The following RBM14 variants were observed in gnomAD, a reference collection of about 807,000 sequenced individuals.
The protein encoded by RBM14 is RNA-binding protein 14.
A neutral mutation model predicts 52.8 loss-of-function variants in RBM14; 5 were observed. The observed-to-expected ratio is 0.09, with a 90% confidence interval of 0.05 to 0.20. The LOEUF (loss-of-function observed/expected upper bound fraction) is 0.20. Among genes scored for constraint, RBM14 ranks in the 10% least tolerant of loss-of-function variants. RBM14 has a pLI of 1.00. For missense variants in RBM14, 780 were observed against 926.6 expected, an observed-to-expected ratio of 0.84 and a Z score of 2.05; for synonymous variants, 411 against 401.8, an observed-to-expected ratio of 1.02 and a Z score of -0.28.
chr11:66,617,278 G>A (rs1427126541), intron 1 of RBM14: 13 of 1,356,232 alleles, frequency 9.6e-6, no homozygotes, highest in Non-Finnish European at 1.2e-5. Context: ...GGTGGGTGCG[G>A]CGGCCACTGC....
chr11:66,624,046 C>A lies in RBM14; in HGVS notation c.338-168C>A. 1 of 1,168,828 alleles carries A rather than the reference C, an allele frequency of 8.6e-7. No individual in the cohort carries two copies. Among genetic ancestry groups the A allele is most frequent in the Non-Finnish European group, 1.3e-6 (1 of 798,918 alleles). 72.4% of individuals were successfully genotyped at this position (1,168,828 alleles called of 1,614,324 possible). ...GATGACTGCTTGGGACAGTCAGAAGCTTTGTTATATGGGAGCTACATTTTA... is the reference window on the plus strand; with the variant it reads ...GATGACTGCTTGGGACAGTCAGAAGATTTGTTATATGGGAGCTACATTTTA... On this transcript the variant is annotated intron_variant, in intron 1 of 2. Transcript: ENST00000310137. This position sits in a 1 kb window ranked among gnomAD's most constrained non-coding sequence, Gnocchi z 4.7.
chr11:66,624,403 C>A lies in RBM14; in HGVS notation c.527C>A (p.Pro176His). Residue 176 changes from proline (P) to histidine (H), a missense_variant, in exon 2 of 3, where the codon CCT (proline) becomes CAT (histidine). Pro to His is a moderately conservative substitution (Grantham distance 77, BLOSUM62 -2). Transcript: ENST00000310137. The surrounding 1 kb of genome is among the most constrained non-coding windows in gnomAD (Gnocchi z 4.7). ...CCAGGGGCTGGGGATACGGCCTTCC[C>A]TGGAACTGGTGGCTTCTCTGCCACC... is the stretch of plus-strand genomic sequence containing the variant. ...KKPGAGDTAF[P>H]GTGGFSATFD... 6.2e-7 allele frequency: 1 copy of A among 1,614,184 alleles called. No individual in the cohort carries two copies. Among genetic ancestry groups the A allele is most frequent in the South Asian group, 1.1e-5 (1 of 91,086 alleles).
In RBM14 at chr11:66,625,182, C is replaced by G; in HGVS notation, c.1306C>G (p.Pro436Ala). The change falls in exon 2 of 3, where the codon CCA becomes GCA. Residue 436 changes from proline (P) to alanine (A), a missense_variant. Physicochemically the swap from Pro to Ala is conservative, Grantham distance 27 (BLOSUM62 -1). Transcript: ENST00000310137. The surrounding 1 kb of genome is among the most constrained non-coding windows in gnomAD (Gnocchi z 4.2). Reference protein sequence around the residue: ...SSQPAAYVAQPATAAAYASQP... With the variant: ...SSQPAAYVAQAATAAAYASQP... Reference sequence around the variant, plus strand: ...CCAACCTGCTGCCTATGTGGCACAGCCAGCCACAGCTGCTGCCTATGCCAG... The same window carrying G: ...CCAACCTGCTGCCTATGTGGCACAGGCAGCCACAGCTGCTGCCTATGCCAG... The G allele has an allele frequency of 6.2e-7, 1 of 1,612,370 alleles. No homozygotes were observed. Among genetic ancestry groups the G allele is most frequent in the African/African-American group, 1.3e-5 (1 of 75,016 alleles).
chr11:66,618,023 G>C (rs543082688), intron 1 of RBM14, among the ~76,000 whole-genome samples: 152 of 152,276 alleles, frequency 1.0e-3, no homozygotes, highest in Middle Eastern at 3.4e-3. Flanking sequence ...GGCAGATCCC[G>C]GTGCCTTTTC....
In RBM14 at chr11:66,629,089, C is replaced by T. The variant is rs899795369; in HGVS notation, c.*2421C>T. On this transcript the variant is annotated 3_prime_UTR_variant, in exon 3 of 3. Transcript: ENST00000310137. The stretch of plus-strand genomic sequence containing the variant: ...TCTGGCAGATTGTTTTAAAATCTCC[C>T]TCCCCTCTTTTATTTTAATTATGCC... Among the ~76,000 whole-genome samples, 2 of 152,212 alleles carry T rather than the reference C, an allele frequency of 1.3e-5. No homozygotes were observed. Among genetic ancestry groups the T allele is most frequent in the South Asian group, 2.1e-4 (1 of 4,834 alleles).
In RBM14 at chr11:66,617,668, C is replaced by T. The variant is rs146855364; in HGVS notation, c.337+611C>T. The T allele has an allele frequency of 1.4e-4, 94 of 659,516 alleles. 2 individuals are homozygous for T. In the East Asian group the frequency reaches 7.5e-3, roughly 52 times the overall value. The allele number at this position is 659,516 out of a possible 1,614,324, so 40.9% of individuals were successfully genotyped here. ...AGGGGCCCCTTCCGAATCACTTTGG[C>T]CTTTCAATATTAGGTAGGTTAGGCG... On this transcript the variant is annotated intron_variant, in intron 1 of 2. Coordinates refer to ENST00000310137, the MANE Select transcript of RBM14 (RefSeq NM_006328.4).
rs547369126 is a variant in RBM14, at chr11:66,628,456, C to T, written c.*1788C>T. ...TATCTTGCCCTAGATGTCCTCTTCC[C>T]TCTTGCCATCGTGCAAAAGCATTCG... is the stretch of plus-strand genomic sequence containing the variant. On this transcript the variant is annotated 3_prime_UTR_variant, in exon 3 of 3. Transcript: ENST00000310137. Among the ~76,000 whole-genome samples, 1 of 152,296 alleles carries T rather than the reference C, an allele frequency of 6.6e-6. No individual in the cohort carries two copies. The highest frequency in any genetic ancestry group is 2.4e-5 in the African/African-American group (1 of 41,558).
At position 66,624,628 on chromosome 11, in the gene RBM14, C is replaced by T. The variant is rs1281990980; in HGVS notation, c.752C>T (p.Ala251Val). The part of the protein sequence containing the change: ...PSVSLGAAYR[A>V]QPSASLGVGY... The stretch of plus-strand genomic sequence containing the variant: ...GTGTCACTGGGAGCTGCCTACAGGG[C>T]CCAGCCTTCTGCCTCTTTGGGTGTT... Residue 251 changes from alanine (A) to valine (V), a missense_variant, in exon 2 of 3, where the codon GCC becomes GTC. Physicochemically the swap from Ala to Val is moderately conservative, Grantham distance 64. Around this residue, in one of 4 missense-constraint regions of RBM14, gnomAD observed 675 missense variants for 697.3 expected, o/e 0.97. Transcript: ENST00000310137. The surrounding 1 kb of genome is among the most constrained non-coding windows in gnomAD (Gnocchi z 4.7). 1 of 1,612,796 alleles carries T rather than the reference C, an allele frequency of 6.2e-7. No individual in the cohort carries two copies. The highest frequency in any genetic ancestry group is 8.5e-7 in the Non-Finnish European group (1 of 1,179,970).
Position 66,627,617 on chromosome 11 carries a change from C to T in RBM14, c.*949C>T, listed in dbSNP as rs1937876927. Reference sequence around the variant, plus strand: ...ACACCAAAATGCAGTAAATGATGCCCATTTTCCTCTGCCTGTGCTTGACCA... The same window carrying T: ...ACACCAAAATGCAGTAAATGATGCCTATTTTCCTCTGCCTGTGCTTGACCA... On this transcript the variant is annotated 3_prime_UTR_variant, in exon 3 of 3. Coordinates refer to ENST00000310137, the MANE Select transcript of RBM14 (RefSeq NM_006328.4). Among the ~76,000 whole-genome samples, 1 of 152,216 alleles carries T rather than the reference C, an allele frequency of 6.6e-6. No individual in the cohort carries two copies. The highest frequency in any genetic ancestry group is 1.5e-5 in the Non-Finnish European group (1 of 68,038).
Position 66,625,151 on chromosome 11 carries a change from C to T in RBM14, c.1275C>T (p.Tyr425=), listed in dbSNP as rs373447576. 70 of 1,612,760 alleles carry T rather than the reference C, an allele frequency of 4.3e-5. No individual in the cohort carries two copies. Among genetic ancestry groups the T allele is most frequent in the African/African-American group, 5.3e-5 (4 of 74,904 alleles). Residue 425 remains tyrosine (Y), a synonymous_variant, in exon 2 of 3, where the codon TAC becomes TAT. Coordinates refer to ENST00000310137, the MANE Select transcript of RBM14 (RefSeq NM_006328.4). The surrounding 1 kb of genome is among the most constrained non-coding windows in gnomAD (Gnocchi z 4.2). ...ATGCTGCACAGCAGGCTGCTTCCTA[C>T]TCTTCCCAACCTGCTGCCTATGTGG... The part of the protein sequence containing the change: ...APYAAQQAAS[Y]SSQPAAYVAQ...
chr11:66,617,053 G>A lies in RBM14; in HGVS notation c.333G>A (p.Val111=), dbSNP rs776335678. ...RRGRVIECDV[V]KDYAFVHMEK... ...GACGCGTCATCGAGTGTGACGTGGT[G>A]AAAGGTAACGCGGAGGCGCGCTCGG... The change falls in exon 1 of 3, where the codon GTG becomes GTA. Residue 111 remains valine (V), a synonymous_variant. Coordinates refer to ENST00000310137, the MANE Select transcript of RBM14 (RefSeq NM_006328.4). 8 of 1,583,482 alleles carry A rather than the reference G, an allele frequency of 5.1e-6. No homozygotes were observed. Among genetic ancestry groups the A allele is most frequent in the Middle Eastern group, 1.7e-4 (1 of 5,846 alleles).
chr11:66,628,128 A>G lies in RBM14; in HGVS notation c.*1460A>G, dbSNP rs1235353976. Among the ~76,000 whole-genome samples the G allele has an allele frequency of 6.6e-6, 1 of 152,074 alleles. No homozygotes were observed. On this transcript the variant is annotated 3_prime_UTR_variant, in exon 3 of 3. Transcript: ENST00000310137. ...GATGCTAGGGTTGGGTGGGGAATTG[A>G]GGACTCTTCTGTGCTTTTATTGTAG...
At chr11:66,621,985 C>G (rs912593796) in intron 1 of RBM14, among the ~76,000 whole-genome samples, 10 of 151,856 alleles carry the variant, frequency 6.6e-5, no homozygotes, top group Non-Finnish European at 2.9e-5. Flanking sequence ...TCTTGGCTCA[C>G]TGCAGCCTCC....
Position 66,616,754 on chromosome 11 carries a change from G to C in RBM14, c.34G>C (p.Asp12His). ...KIFVGNVDGADTTPEELAALF... is the reference protein window; with the variant it reads ...KIFVGNVDGAHTTPEELAALF... The stretch of plus-strand genomic sequence containing the variant: ...ATTCGTGGGCAACGTCGACGGGGCG[G>C]ATACGACTCCGGAGGAGCTGGCAGC... Residue 12 changes from aspartate (D) to histidine (H), a missense_variant, in exon 1 of 3, where the codon GAT becomes CAT. Physicochemically the swap from Asp to His is moderately conservative, Grantham distance 81. Transcript: ENST00000310137. The C allele has an allele frequency of 6.2e-7, 1 of 1,601,580 alleles. No homozygotes were observed.
Position 66,629,919 on chromosome 11 carries a change from G to GGA in RBM14, c.*3251_*3252insGA, listed in dbSNP as rs1937981079. Among the ~76,000 whole-genome samples the GGA allele has an allele frequency of 2.7e-5, 4 of 150,410 alleles. No individual in the cohort carries two copies. The South Asian group carries it at 8.4e-4, about 31-fold the overall frequency. Reference sequence around the variant, plus strand: ...CGGTGAGACCTTGTCTCTACCAAAAGAAAAGAAAAAAAAAAGCCAGCTGTG... The same window carrying GGA: ...CGGTGAGACCTTGTCTCTACCAAAAGGAAAAAGAAAAAAAAAAGCCAGCTGTG... On this transcript the variant is annotated 3_prime_UTR_variant, in exon 3 of 3. Coordinates refer to ENST00000310137, the MANE Select transcript of RBM14 (RefSeq NM_006328.4).
rs755736486 is a variant in RBM14, at chr11:66,624,607, CACTGGG to C, written c.733_738del (p.Leu245_Gly246del). On this transcript the variant is annotated inframe_deletion, in exon 2 of 3. Transcript: ENST00000310137. The surrounding 1 kb of genome is among the most constrained non-coding windows in gnomAD (Gnocchi z 4.7). ...ACCTACCGGGCCCAGCCGTCCGTGT[CACTGGG>C]AGCTGCCTACAGGGCCCAGCCTTCT... The C allele has an allele frequency of 4.3e-6, 7 of 1,612,348 alleles. No individual in the cohort carries two copies. The highest frequency in any genetic ancestry group is 5.9e-6 in the Non-Finnish European group (7 of 1,180,000).
chr11:66,619,516 TTTC>T (rs1858998968), intron 1 of RBM14: 1 of 152,216 alleles, frequency 6.6e-6, no homozygotes, highest in South Asian at 2.1e-4. Flanking sequence ...TGAGTGACTG[TTTC>T]TTCTTCCTAT....
rs1937863899 is a variant in RBM14 at position 66,627,354 on chromosome 11, A to G, written c.*686A>G. 6.6e-6 allele frequency: 1 copy of G among 152,178 alleles called. No individual in the cohort carries two copies. Among genetic ancestry groups the G allele is most frequent in the Non-Finnish European group, 1.5e-5 (1 of 68,030 alleles). The allele number at this position is 152,178 out of a possible 1,614,324, so 9.4% of individuals were successfully genotyped here. ...TTTGCAGTTTGGAAACCTGGTTGTC[A>G]TTGTCTTGATTGCATTCAGTGTCAA... On this transcript the variant is annotated 3_prime_UTR_variant, in exon 3 of 3. Coordinates refer to ENST00000310137, the MANE Select transcript of RBM14 (RefSeq NM_006328.4).
chr11:66,617,171 C>T (rs544098890), intron 1 of RBM14, 114 bp downstream of exon 1: 273 of 1,467,656 alleles, frequency 1.9e-4, no homozygotes, highest in Non-Finnish European at 2.4e-4. Context: ...GGGAAGTGCG[C>T]GGGAGCAGGT....
Sources: gnomAD v4.1 joint callset for allele counts (sites outside exome capture counted in the v4.1 genomes callset) on GRCh38, gnomAD v4.1.1 for gene constraint, gnomAD v4.1.1 regional missense constraint, Gnocchi (gnomAD v3.1) non-coding constraint, MANE v1.5 for transcripts, NCBI Gene and HGNC (gene_info 2026-07-23, HGNC 2026-07-21) for gene names.